CCSER1: variants seen among roughly 807,000 people sequenced by gnomAD.
CCSER1 encodes the protein serine-rich coiled-coil domain-containing protein 1.
In CCSER1, 41 loss-of-function variants were observed where a neutral mutation model predicts 82.0. That is an observed-to-expected ratio of 0.50 (90% CI 0.39 to 0.65). The LOEUF is 0.65. Ranked by LOEUF, CCSER1 falls within the 30% of genes least tolerant of loss-of-function variation. The pLI is 0.00. For missense variants in CCSER1, 1,119 were observed against 1,064.2 expected, an observed-to-expected ratio of 1.05 and a Z score of -0.72; for synonymous variants, 414 against 383.9, an observed-to-expected ratio of 1.08 and a Z score of -0.92.
chr4:90,418,615 T>G (rs1405493835), intron 4 of CCSER1, among the ~76,000 whole-genome samples: 1 of 151,994 alleles, frequency 6.6e-6, no homozygotes, highest in East Asian at 1.9e-4. Context: ...TCAAACATGG[T>G]ATTTCTGACT....
At chr4:91,541,400 C>A (rs963908761) in intron 10 of CCSER1, among the ~76,000 whole-genome samples, 1 of 152,116 alleles carries the variant, frequency 6.6e-6, no homozygotes, top group Non-Finnish European at 1.5e-5. Flanking sequence ...CATGACAGGC[C>A]CAGGTGTGTG....
chr4:91,191,568 A>G (rs367874134), intron 10 of CCSER1, among the ~76,000 whole-genome samples: 1 of 152,076 alleles, frequency 6.6e-6, no homozygotes, highest in African/African-American at 2.4e-5. Context: ...CTCCTTTATT[A>G]CTAGGGTGGG....
chr4:90,557,632 A>T lies in CCSER1; in HGVS notation c.1725-70393A>T, dbSNP rs540610441. ...AAATACCACTACTGACTTTGTAGAC[A>T]TTTTCTTAAGGCATTGTACCTCAGT... On this transcript the variant is annotated intron_variant, in intron 5 of 10. Coordinates refer to ENST00000509176, the MANE Select transcript of CCSER1 (RefSeq NM_001145065.2). 4.6e-5 allele frequency among the ~76,000 whole-genome samples: 7 copies of T among 152,198 alleles called. No individual in the cohort carries two copies. The South Asian group carries it at 1.2e-3, about 27-fold the overall frequency.
chr4:90,580,927 T>A (rs1224932581), intron 5 of CCSER1, among the ~76,000 whole-genome samples: 1 of 152,130 alleles, frequency 6.6e-6, no homozygotes, highest in East Asian at 1.9e-4. Context: ...AAATTGAGTT[T>A]TGATTAATTG....
intron 1 of CCSER1, among the ~76,000 whole-genome samples, chr4:90,193,904 A>T (rs1578419959): frequency 6.6e-6 from 1 of 152,162 alleles, no homozygotes; most frequent in East Asian, 1.9e-4. Context: ...GGGGACTTTG[A>T]TTTCATTCTC....
chr4:91,169,330 C>T (rs535882817), intron 10 of CCSER1, among the ~76,000 whole-genome samples: 49 of 151,484 alleles, frequency 3.2e-4, no homozygotes, highest in Non-Finnish European at 6.3e-4. Flanking sequence ...GAAGACTAAA[C>T]TTGTATTTGG....
chr4:91,428,422 G>T (rs747804467), intron 10 of CCSER1, among the ~76,000 whole-genome samples: 10 of 152,014 alleles, frequency 6.6e-5, no homozygotes, highest in Non-Finnish European at 1.2e-4. Flanking sequence ...TATGGCAAAT[G>T]CAGTTGCCTT....
intron 10 of CCSER1, among the ~76,000 whole-genome samples, chr4:91,541,974 G>A (rs1560749898): frequency 6.6e-6 from 1 of 152,124 alleles, no homozygotes; most frequent in African/African-American, 2.4e-5. Context: ...TTCTCTGATG[G>A]CCAGCGATGA....
At chr4:90,250,070 G>A (rs1722114711) in intron 1 of CCSER1, among the ~76,000 whole-genome samples, 1 of 151,808 alleles carries the variant, frequency 6.6e-6, no homozygotes, top group Admixed American at 6.6e-5. Flanking sequence ...TAGATTCTTT[G>A]CCTTTTTTAA....
At chr4:90,385,318 A>G (rs549123212) in intron 3 of CCSER1, among the ~76,000 whole-genome samples, 1 of 150,788 alleles carries the variant, frequency 6.6e-6, no homozygotes, top group East Asian at 1.9e-4. Flanking sequence ...TGTTTTTCAT[A>G]CAGGTTGTAC....
intron 7 of CCSER1, among the ~76,000 whole-genome samples, chr4:90,772,560 T>C (rs1752340579): frequency 6.6e-6 from 1 of 152,150 alleles, no homozygotes; most frequent in African/African-American, 2.4e-5. Context: ...AATATATCAG[T>C]CAATCACCAG....
At chr4:91,336,653 C>G (rs1547594) in intron 10 of CCSER1, among the ~76,000 whole-genome samples, 49,076 of 151,854 alleles carry the variant, frequency 0.32, 8,214 homozygotes, top group Middle Eastern at 0.43. Context: ...ATAAAACAGT[C>G]TTTCAGTAGT....
intron 1 of CCSER1, among the ~76,000 whole-genome samples, chr4:90,200,218 C>G (rs1737426436): frequency 6.6e-6 from 1 of 152,054 alleles, no homozygotes; most frequent in African/African-American, 2.4e-5. Context: ...TGTCTCTGGA[C>G]CATCCCACAC....
chr4:90,879,507 GA>G (rs201804308), intron 8 of CCSER1, among the ~76,000 whole-genome samples: 9,208 of 144,152 alleles, frequency 0.064, 557 homozygotes, highest in African/African-American at 0.17. Context: ...AGAAGAAGAA[GA>G]AGAAGAAGAG....
chr4:91,127,486 AGT>A (rs1453979158), intron 10 of CCSER1, among the ~76,000 whole-genome samples: 1 of 152,038 alleles, frequency 6.6e-6, no homozygotes, highest in Non-Finnish European at 1.5e-5. Flanking sequence ...TTGACAGCAA[AGT>A]GTTGCAGGCA....
At chr4:90,178,755 G>C (rs190880461) in intron 1 of CCSER1, among the ~76,000 whole-genome samples, 17 of 152,190 alleles carry the variant, frequency 1.1e-4, no homozygotes, top group Admixed American at 9.8e-4. Flanking sequence ...TTCTTTCAAG[G>C]CTCATGAACT....
At chr4:90,974,230 AG>A (rs1419173670) in intron 9 of CCSER1, among the ~76,000 whole-genome samples, 1 of 151,580 alleles carries the variant, frequency 6.6e-6, no homozygotes, top group East Asian at 1.9e-4. Context: ...TCTACAAAAA[AG>A]TATGTGGGGT....
chr4:91,577,474 C>T (rs1431462195), intron 10 of CCSER1, among the ~76,000 whole-genome samples: 1 of 151,846 alleles, frequency 6.6e-6, no homozygotes, highest in Admixed American at 6.6e-5. Flanking sequence ...AAAAAAAATA[C>T]CTTGCAATTC....
chr4:90,501,011 G>A (rs925609067), intron 5 of CCSER1, among the ~76,000 whole-genome samples: 2 of 152,002 alleles, frequency 1.3e-5, no homozygotes, highest in African/African-American at 4.8e-5. Flanking sequence ...AATATATAGA[G>A]CAAACAAGTA....
Sources: allele counts gnomAD v4.1 joint callset (sites outside exome capture counted in the v4.1 genomes callset), GRCh38; gene constraint gnomAD v4.1.1; transcripts MANE v1.5; gene names NCBI Gene and HGNC (gene_info 2026-07-23, HGNC 2026-07-21).